Variants in LAMA3 observed in about 807,000 individuals in gnomAD.
LAMA3 encodes laminin subunit alpha 3.
A neutral mutation model predicts 402.0 loss-of-function variants in LAMA3; 281 were observed. That is an observed-to-expected ratio of 0.70 (90% confidence interval 0.63 to 0.77). The LOEUF (loss-of-function observed/expected upper bound fraction) is 0.77. LAMA3 is among the 30% of genes least tolerant of loss of function. The probability of loss-of-function intolerance (pLI) is 0.00; values close to 1 mark genes in which losing one functional copy is unlikely to be tolerated. For synonymous variants in LAMA3, 1,431 were observed against 1,558.4 expected (o/e 0.92, Z 1.93); for missense variants, 3,840 against 4,215.5 (o/e 0.91, Z 2.47).
chr18:23,843,161 A>G (rs527544047), intron 29 of LAMA3, among the ~76,000 whole-genome samples: 7 of 152,058 alleles, frequency 4.6e-5, no homozygotes, highest in South Asian at 4.2e-4. Context: ...CGAGCCCCTC[A>G]TTGTGTCATT....
At position 23,894,911 on chromosome 18, in the gene LAMA3, C is replaced by T. The variant is rs149644759; in HGVS notation, c.5466C>T (p.Cys1822=). The change falls in exon 44 of 75, where the codon TGC becomes TGT. Residue 1822 remains cysteine, a synonymous_variant. Coordinates refer to ENST00000313654, the MANE Select transcript of LAMA3 (RefSeq NM_198129.4). ...DSSPAEECDD[C]DSCVMTLLND... ...CTTTGATTGTGGCCCCTACAGATTG[C>T]GACAGCTGTGTGATGACCCTCCTGA... The T allele has an allele frequency of 2.5e-5, 40 of 1,614,132 alleles. No homozygotes were observed. Among genetic ancestry groups the T allele is most frequent in the East Asian group, 8.9e-5 (4 of 44,882 alleles).
intron 2 of LAMA3, among the ~76,000 whole-genome samples, chr18:23,728,005 A>T (rs963147221): frequency 6.6e-6 from 1 of 152,178 alleles, no homozygotes; most frequent in Non-Finnish European, 1.5e-5. Context: ...AAGTGCTGGC[A>T]CTACAGCTGT....
chr18:23,908,665 G>GTA (rs1358352506), intron 54 of LAMA3, among the ~76,000 whole-genome samples: 3 of 151,360 alleles, frequency 2.0e-5, no homozygotes, highest in Non-Finnish European at 2.9e-5. Context: ...ACCATGTACA[G>GTA]TAGTTCCTCC....
chr18:23,750,103 A>C (rs1325480157), intron 4 of LAMA3, among the ~76,000 whole-genome samples: 2 of 152,172 alleles, frequency 1.3e-5, no homozygotes, highest in Non-Finnish European at 2.9e-5. Flanking sequence ...GAATGGGTGT[A>C]ATCTGTTGGA....
intron 32 of LAMA3, among the ~76,000 whole-genome samples, chr18:23,848,636 G>A (rs116661784): frequency 1.8e-4 from 28 of 152,312 alleles, no homozygotes; most frequent in African/African-American, 6.5e-4. Flanking sequence ...TTGGGTGTGA[G>A]AGCCAAGAGG....
intron 72 of LAMA3, among the ~76,000 whole-genome samples, chr18:23,950,380 A>T (rs2082866556): frequency 6.6e-6 from 1 of 152,236 alleles, no homozygotes; most frequent in African/African-American, 2.4e-5. Context: ...AGTCGGGCTG[A>T]ATTGCAGGTC....
chr18:23,900,057 T>TTGTG (rs1190915077), intron 47 of LAMA3, among the ~76,000 whole-genome samples: 6 of 78,470 alleles, frequency 7.6e-5, no homozygotes, highest in South Asian at 5.6e-4. Flanking sequence ...GAAATGAACT[T>TTGTG]TGTGTGTGTG....
chr18:23,813,524 A>AT (rs1173126811), intron 14 of LAMA3, among the ~76,000 whole-genome samples: 9 of 125,620 alleles, frequency 7.2e-5, no homozygotes, highest in Non-Finnish European at 8.8e-5. Flanking sequence ...TATTCTGAAC[A>AT]TTTTTTTTCT....
Position 23,954,328 on chromosome 18 carries a change from G to A in LAMA3, c.9857-175G>A, listed in dbSNP as rs2083033909. Among the ~76,000 whole-genome samples the A allele has an allele frequency of 9.3e-5, 14 of 149,894 alleles. No homozygotes were observed. The South Asian group carries it at 2.9e-3, about 32-fold the overall frequency. ...GAGGTGTGAGGATTGTGTGAGCCCAGGAATCCCAGGTTTACAGAGAGCTGT... is the reference window on the plus strand; with the variant it reads ...GAGGTGTGAGGATTGTGTGAGCCCAAGAATCCCAGGTTTACAGAGAGCTGT... On this transcript the variant is annotated intron_variant, in intron 74 of 74. Coordinates refer to ENST00000313654, the MANE Select transcript of LAMA3 (RefSeq NM_198129.4).
rs901996796 is a variant in LAMA3 at position 23,890,394 on chromosome 18, A to G, written c.5410+277A>G. Among the ~76,000 whole-genome samples, 13 of 152,086 alleles carry G rather than the reference A, an allele frequency of 8.5e-5. No homozygotes were observed. In the East Asian group the frequency reaches 2.3e-3, roughly 27 times the overall value. ...AATTGTTTTTGAAACTTACCTAATT[A>G]TAACCAAAATAACTTCAGATCCTAC... On this transcript the variant is annotated intron_variant, in intron 42 of 74. Transcript: ENST00000313654.
intron 50 of LAMA3, 70 bp from the exon 51 acceptor site, chr18:23,904,483 A>G (rs1447678271): frequency 2.8e-6 from 4 of 1,427,296 alleles, no homozygotes; most frequent in African/African-American, 1.4e-5. Context: ...AGAAATGGAA[A>G]GGTTTGGGGG....
intron 2 of LAMA3, 37 bp downstream of exon 2, chr18:23,714,109 T>G: frequency 6.3e-7 from 1 of 1,587,842 alleles, no homozygotes; most frequent in African/African-American, 1.3e-5. Flanking sequence ...GAACATGAGC[T>G]TAGATCACTG....
chr18:23,833,881 G>A lies in LAMA3; in HGVS notation c.2877G>A (p.Val959=). The A allele has an allele frequency of 6.2e-7, 1 of 1,614,080 alleles. No homozygotes were observed. Among genetic ancestry groups the A allele is most frequent in the Non-Finnish European group, 8.5e-7 (1 of 1,180,042 alleles). The change falls in exon 24 of 75, where the codon GTG becomes GTA. Residue 959 remains valine (V), a synonymous_variant. Transcript: ENST00000313654. ...CACAGGTTGGCCACTACGTGGTTGT[G>A]GTCGAGTATTCCACGGAGGCAGCTC... ...RIPQVGHYVV[V]VEYSTEAAQL... is the part of the protein sequence containing the mutation.
chr18:23,811,981 C>A (rs78457202), intron 13 of LAMA3, among the ~76,000 whole-genome samples: 3 of 151,914 alleles, frequency 2.0e-5, no homozygotes, highest in African/African-American at 4.8e-5. Flanking sequence ...TCAAGCGATT[C>A]TCCTGCCTCA....
chr18:23,786,935 G>C (rs192050110), intron 12 of LAMA3, among the ~76,000 whole-genome samples: 1 of 152,266 alleles, frequency 6.6e-6, no homozygotes, highest in East Asian at 1.9e-4. Flanking sequence ...CAAACTTAAT[G>C]ACAGATTGAT....
intron 6 of LAMA3, among the ~76,000 whole-genome samples, chr18:23,756,777 G>A (rs1320925777): frequency 6.6e-6 from 1 of 152,168 alleles, no homozygotes; most frequent in East Asian, 1.9e-4. Context: ...CTGAGCCACG[G>A]CATCCCAGGC....
At chr18:23,954,358 A>C in intron 74 of LAMA3, 145 bp from the exon 75 acceptor site, 1 of 694,304 alleles carries the variant, frequency 1.4e-6, no homozygotes, top group African/African-American at 1.8e-5. Flanking sequence ...AGCTGTGATC[A>C]CACTACTGTA....
Position 23,771,175 on chromosome 18 carries a change from G to A in LAMA3, c.1183-2322G>A, listed in dbSNP as rs192034739. Among the ~76,000 whole-genome samples, 16 of 152,318 alleles carry A rather than the reference G, an allele frequency of 1.1e-4. No individual in the cohort carries two copies. The East Asian group carries it at 2.1e-3, about 20-fold the overall frequency. ...CCCAGGTGACCAACAATAGTAGAATGGATGAAGAAACTCAGGCATAACTAT... is the reference window on the plus strand; with the variant it reads ...CCCAGGTGACCAACAATAGTAGAATAGATGAAGAAACTCAGGCATAACTAT... On this transcript the variant is annotated intron_variant, in intron 8 of 74. Transcript: ENST00000313654.
chr18:23,895,066 C>A lies in LAMA3; in HGVS notation c.5613+8C>A. 1 of 1,586,536 alleles carries A rather than the reference C, an allele frequency of 6.3e-7. No individual in the cohort carries two copies. Among genetic ancestry groups the A allele is most frequent in the East Asian group, 2.3e-5 (1 of 43,408 alleles). On this transcript the variant is annotated splice_region_variant and intron_variant, in intron 44 of 74. Transcript: ENST00000313654. ...CAGGCCAAGGACCTGAGGGTAAATCCCCTGCGGCCGAGAGTAGACACGTGG... is the reference window on the plus strand; with the variant it reads ...CAGGCCAAGGACCTGAGGGTAAATCACCTGCGGCCGAGAGTAGACACGTGG...
Sources: gnomAD v4.1 joint callset for allele counts (sites outside exome capture counted in the v4.1 genomes callset) on GRCh38, gnomAD v4.1.1 for gene constraint, MANE v1.5 for transcripts, NCBI Gene and HGNC (gene_info 2026-07-23, HGNC 2026-07-21) for gene names.